Variants in LIN9 observed in about 807,000 individuals in gnomAD.
LIN9 encodes the protein lin-9 DREAM MuvB core complex component, also known as protein lin-9 homolog.
Under a neutral mutation model 78.0 loss-of-function variants are expected in LIN9, and 18 were observed. The observed-to-expected ratio is 0.23, with a 90% CI of 0.16 to 0.34. The LOEUF (loss-of-function observed/expected upper bound fraction) is 0.34, where lower values mean the gene tolerates loss of function less well. LIN9 is among the 10% of genes least tolerant of loss of function. The pLI, the probability that LIN9 is intolerant of heterozygous loss-of-function variation, is 1.00. For missense variants in LIN9, 451 were observed against 644.1 expected (o/e 0.70, Z 3.25); for synonymous variants, 192 against 215.2 (o/e 0.89, Z 0.94).
chr1:226,308,389 A>G (rs1254999624), intron 1 of LIN9, among the ~76,000 whole-genome samples: 1 of 152,104 alleles, frequency 6.6e-6, no homozygotes, highest in Non-Finnish European at 1.5e-5. Context: ...ACATCCATGC[A>G]TAAAGGTACC....
intron 10 of LIN9, among the ~76,000 whole-genome samples, chr1:226,255,202 G>T (rs1234010642): frequency 6.6e-6 from 1 of 152,126 alleles, no homozygotes; most frequent in East Asian, 1.9e-4. Flanking sequence ...GCTTAATCTG[G>T]TTCTTAGTGA....
intron 1 of LIN9, among the ~76,000 whole-genome samples, chr1:226,305,620 TG>T (rs932066607): frequency 2.5e-5 from 2 of 81,552 alleles, no homozygotes; most frequent in East Asian, 3.4e-4. Flanking sequence ...AAGGGGGGTG[TG>T]GGGGGGTAGC....
At chr1:226,281,693 T>C (rs2102956349) in intron 6 of LIN9, among the ~76,000 whole-genome samples, 1 of 151,644 alleles carries the variant, frequency 6.6e-6, no homozygotes, top group East Asian at 1.9e-4. Context: ...TTTTTTTTTC[T>C]TTTTCTTTTT....
At chr1:226,294,015 C>T (rs12564641) in intron 4 of LIN9, among the ~76,000 whole-genome samples, 1 of 151,964 alleles carries the variant, frequency 6.6e-6, no homozygotes, top group Non-Finnish European at 1.5e-5. Flanking sequence ...TTATTTAATG[C>T]TAAGTCCTTG....
At chr1:226,307,630 A>T (rs1662997035) in intron 1 of LIN9, among the ~76,000 whole-genome samples, 1 of 152,218 alleles carries the variant, frequency 6.6e-6, no homozygotes, top group Non-Finnish European at 1.5e-5. Context: ...GTGAAACTCC[A>T]TCTCAAAATA....
intron 10 of LIN9, among the ~76,000 whole-genome samples, chr1:226,264,171 G>C (rs1216226515): frequency 6.6e-6 from 1 of 151,754 alleles, no homozygotes; most frequent in Non-Finnish European, 1.5e-5. Context: ...GTGAGGTCAG[G>C]AGTTTGAGAC....
chr1:226,309,487 C>T (rs2102701269), upstream of LIN9: 1 of 1,114,154 alleles, frequency 9.0e-7, no homozygotes, highest in Non-Finnish European at 1.1e-6. Context: ...GCATGTTCCG[C>T]GGCCCGCGCT....
intron 6 of LIN9, among the ~76,000 whole-genome samples, chr1:226,278,441 A>C (rs917652751): frequency 6.6e-6 from 1 of 151,822 alleles, no homozygotes; most frequent in Non-Finnish European, 1.5e-5. Flanking sequence ...AAAAAAACAA[A>C]AACAAAAACA....
chr1:226,281,122 T>C (rs574896674), intron 6 of LIN9, among the ~76,000 whole-genome samples: 4 of 152,264 alleles, frequency 2.6e-5, no homozygotes, highest in African/African-American at 4.8e-5. Context: ...TGCAGCAACA[T>C]AGATGATATT....
intron 5 of LIN9, 116 bp downstream of exon 5, chr1:226,287,548 A>G: frequency 1.5e-6 from 1 of 652,868 alleles, no homozygotes; most frequent in Non-Finnish European, 2.5e-6. Flanking sequence ...CAGAAAAATG[A>G]ATTTAGAGAA....
intron 10 of LIN9, among the ~76,000 whole-genome samples, chr1:226,258,552 T>G (rs894375517): frequency 6.6e-6 from 1 of 151,118 alleles, no homozygotes; most frequent in African/African-American, 2.4e-5. Flanking sequence ...TATATCAATT[T>G]CAGACAAAGC....
At chr1:226,278,197 G>A (rs937779223) in intron 6 of LIN9, among the ~76,000 whole-genome samples, 7 of 152,170 alleles carry the variant, frequency 4.6e-5, no homozygotes, top group Non-Finnish European at 1.0e-4. Context: ...GGGAGGCTGA[G>A]GCGGACAGAT....
rs184371977 is a variant in LIN9, at chr1:226,258,707, G to A, written c.1038+6826C>T. 5.0e-3 allele frequency among the ~76,000 whole-genome samples: 761 copies of A among 150,996 alleles called. 8 individuals carry two copies. The highest frequency in any genetic ancestry group is 5.8e-3 in the Non-Finnish European group (396 of 67,786). On this transcript the variant is annotated intron_variant, in intron 10 of 14. Coordinates refer to ENST00000681046, the MANE Select transcript of LIN9 (RefSeq NM_001366245.2). ...AGATCGAGACTGTCCTGGCTAACAC[G>A]GTGAAACCCCGTCTCTACTAAAAAT... is the stretch of plus-strand genomic sequence containing the variant.
Position 226,268,018 on chromosome 1 carries a change from T to C in LIN9, c.755A>G (p.Tyr252Cys). The C allele has an allele frequency of 6.2e-7, 1 of 1,613,222 alleles. No homozygotes were observed. Among genetic ancestry groups the C allele is most frequent in the Non-Finnish European group, 8.5e-7 (1 of 1,179,172 alleles). ...IDAVDTLNATYRVTFDRTGLG... is the reference protein window; with the variant it reads ...IDAVDTLNATCRVTFDRTGLG... ...CCCTGTCCTATCAAAAGTTACTCTA[T>C]AAGTAGCATTAAGAGTATCCACAGC... Residue 252 changes from tyrosine (Y) to cysteine (C), a missense_variant, in exon 8 of 15, where the codon TAT (tyrosine) becomes TGT (cysteine). By Grantham distance (194) the Tyr-to-Cys change is radical (BLOSUM62 -2). Coordinates refer to ENST00000681046, the MANE Select transcript of LIN9 (RefSeq NM_001366245.2).
At chr1:226,308,316 T>C (rs1663051459) in intron 1 of LIN9, among the ~76,000 whole-genome samples, 2 of 149,924 alleles carry the variant, frequency 1.3e-5, no homozygotes, top group Non-Finnish European at 3.0e-5. Flanking sequence ...TGAGTAAACA[T>C]GGTTAGGGGA....
chr1:226,294,803 A>C (rs1262936267), intron 4 of LIN9, among the ~76,000 whole-genome samples: 1 of 151,080 alleles, frequency 6.6e-6, no homozygotes, highest in African/African-American at 2.4e-5. Flanking sequence ...TTACATGTCT[A>C]CTTTTTTTTT....
At chr1:226,287,010 G>C (rs185728641) in intron 5 of LIN9, among the ~76,000 whole-genome samples, 55 of 152,182 alleles carry the variant, frequency 3.6e-4, no homozygotes, top group Admixed American at 1.4e-3. Context: ...AAATGCCTTG[G>C]GCTCAAATAT....
Position 226,287,659 on chromosome 1 carries a change from C to A in LIN9, c.398+5G>T. On this transcript the variant is annotated splice_donor_5th_base_variant and intron_variant, in intron 5 of 14. Transcript: ENST00000681046. Reference sequence around the variant, plus strand: ...AATATTCATAATATAAGCCATGATACATACTTATCTATATTTGAATAGAAC... The same window carrying A: ...AATATTCATAATATAAGCCATGATAAATACTTATCTATATTTGAATAGAAC... 1 of 1,523,508 alleles carries A rather than the reference C, an allele frequency of 6.6e-7. No homozygotes were observed. The highest frequency in any genetic ancestry group is 8.8e-7 in the Non-Finnish European group (1 of 1,140,300). The allele number at this position is 1,523,508 out of a possible 1,614,324, so 94.4% of individuals were successfully genotyped here.
chr1:226,282,298 C>A (rs192007585), intron 6 of LIN9, among the ~76,000 whole-genome samples: 1 of 152,080 alleles, frequency 6.6e-6, no homozygotes, highest in Admixed American at 6.6e-5. Flanking sequence ...CAATAAATAC[C>A]TTTGTACATG....
Sources: gnomAD v4.1 joint callset for allele counts (sites outside exome capture counted in the v4.1 genomes callset) on GRCh38, gnomAD v4.1.1 for gene constraint, MANE v1.5 for transcripts, NCBI Gene and HGNC (gene_info 2026-07-23, HGNC 2026-07-21) for gene names.